FAM83G: variants seen among roughly 807,000 people sequenced by gnomAD.
FAM83G encodes protein FAM83G.
A neutral mutation model predicts 61.5 loss-of-function variants in FAM83G; 38 were observed. That is an observed-to-expected ratio of 0.62 (90% CI 0.48 to 0.81). The LOEUF (loss-of-function observed/expected upper bound fraction) is 0.81. FAM83G is among the 30% of genes least tolerant of loss of function. The pLI is 0.00. For missense variants in FAM83G, 989 were observed against 1,133.6 expected (o/e 0.87, Z 1.83); for synonymous variants, 470 against 476.1 (o/e 0.99, Z 0.17).
chr17:18,978,256 G>C lies in FAM83G; in HGVS notation c.1410C>G (p.Pro470=). The C allele has an allele frequency of 6.2e-7, 1 of 1,605,320 alleles. No individual in the cohort carries two copies. The highest frequency in any genetic ancestry group is 1.1e-5 in the South Asian group (1 of 89,914). The part of the protein sequence containing the change: ...QLWKQSQDSR[P]RPEPCPPPEP... Reference sequence around the variant, plus strand: ...CTGGGGGAGGGCAAGGCTCTGGACGGGGCCTGCTGTCCTGGCTCTGCTTCC... The same window carrying C: ...CTGGGGGAGGGCAAGGCTCTGGACGCGGCCTGCTGTCCTGGCTCTGCTTCC... The change falls in exon 5 of 6, where the codon CCC becomes CCG. Residue 470 remains proline (P), a synonymous_variant. Coordinates refer to ENST00000388995, the MANE Select transcript of FAM83G (RefSeq NM_001039999.3).
upstream of FAM83G, among the ~76,000 whole-genome samples, chr17:19,005,648 C>G (rs539842274): frequency 8.5e-5 from 11 of 129,134 alleles, no homozygotes; most frequent in African/African-American, 3.3e-4. Flanking sequence ...TGCCCTCAAA[C>G]CCCCCCCCTC....
At chr17:18,989,292 C>A (rs1167449851) in intron 2 of FAM83G, among the ~76,000 whole-genome samples, 1 of 152,138 alleles carries the variant, frequency 6.6e-6, no homozygotes, top group South Asian at 2.1e-4. Context: ...CTACAGACTA[C>A]CCTGACTTGT....
At position 18,971,302 on chromosome 17, in the gene FAM83G, G is replaced by A. The variant is rs1166657521; in HGVS notation, c.*57C>T. 1.3e-5 allele frequency: 21 copies of A among 1,608,222 alleles called. No homozygotes were observed. Among genetic ancestry groups the A allele is most frequent in the East Asian group, 4.5e-5 (2 of 44,770 alleles). On this transcript the variant is annotated 3_prime_UTR_variant, in exon 6 of 6. Coordinates refer to ENST00000388995, the MANE Select transcript of FAM83G (RefSeq NM_001039999.3). The surrounding 1 kb of genome is among the most constrained non-coding windows in gnomAD (Gnocchi z 5.5). The stretch of plus-strand genomic sequence containing the variant: ...GGCCCAGGCGGCCTGTCTGCCCTCC[G>A]CGTCATGAGTCTGGGCTGGGGCCTC...
chr17:18,973,872 AT>A (rs1460776287), intron 5 of FAM83G, among the ~76,000 whole-genome samples: 7 of 73,214 alleles, frequency 9.6e-5, no homozygotes, highest in African/African-American at 2.5e-4. Flanking sequence ...TAATTTTTGT[AT>A]TTTTTTTTAA....
rs768249715 is a variant in FAM83G at position 18,978,161 on chromosome 17, G to A, written c.1505C>T (p.Pro502Leu). The change falls in exon 5 of 6, where the codon CCC becomes CTC. Residue 502 changes from proline (P) to leucine (L), a missense_variant. Pro to Leu is a moderately conservative substitution (Grantham distance 98). Around this residue, in one of 3 missense-constraint regions of FAM83G, gnomAD observed 574 missense variants for 645.1 expected, o/e 0.89. Coordinates refer to ENST00000388995, the MANE Select transcript of FAM83G (RefSeq NM_001039999.3). ...GACTGTCCGGGGCTTGGGCACGGGGGGCAATGGCTCAGGGTCCCCCTGGGG... is the reference window on the plus strand; with the variant it reads ...GACTGTCCGGGGCTTGGGCACGGGGAGCAATGGCTCAGGGTCCCCCTGGGG... ...GLPQGDPEPL[P>L]PVPKPRTVPV... 1.3e-6 allele frequency: 2 copies of A among 1,532,264 alleles called. No homozygotes were observed. Among genetic ancestry groups the A allele is most frequent in the Admixed American group, 4.0e-5 (2 of 50,496 alleles). The allele number at this position is 1,532,264 out of a possible 1,614,324, so 94.9% of individuals were successfully genotyped here.
chr17:18,982,159 C>T (rs1260193259), intron 3 of FAM83G, among the ~76,000 whole-genome samples: 1 of 152,248 alleles, frequency 6.6e-6, no homozygotes, highest in African/African-American at 2.4e-5. Context: ...GCCGCTGACT[C>T]GCTGTGACTC....
intron 2 of FAM83G, among the ~76,000 whole-genome samples, chr17:18,997,978 G>A (rs960736210): frequency 3.9e-5 from 6 of 152,246 alleles, no homozygotes; most frequent in African/African-American, 1.4e-4. Flanking sequence ...AGGTCAGAGA[G>A]GCCAAGCAAC....
chr17:18,972,342 T>C lies in FAM83G; in HGVS notation c.2083-594A>G, dbSNP rs9916283. The stretch of plus-strand genomic sequence containing the variant: ...ACAAGGCAGCCACAGCCAGCCTCTG[T>C]GGAATGAACGATCACAGCGCTCACA... On this transcript the variant is annotated intron_variant, in intron 5 of 5. Coordinates refer to ENST00000388995, the MANE Select transcript of FAM83G (RefSeq NM_001039999.3). 5.6e-3 allele frequency among the ~76,000 whole-genome samples: 856 copies of C among 152,286 alleles called. 7 individuals are homozygous for C. The highest frequency in any genetic ancestry group is 0.019 in the African/African-American group (796 of 41,556).
At chr17:18,982,174 C>T (rs1285506649) in intron 3 of FAM83G, among the ~76,000 whole-genome samples, 1 of 152,240 alleles carries the variant, frequency 6.6e-6, no homozygotes, top group Non-Finnish European at 1.5e-5. Flanking sequence ...TGACTCGAAG[C>T]AAGTCCCGGG....
At chr17:18,980,716 C>T (rs1175893213) in intron 3 of FAM83G, among the ~76,000 whole-genome samples, 2 of 152,140 alleles carry the variant, frequency 1.3e-5, no homozygotes, top group Non-Finnish European at 2.9e-5. Flanking sequence ...CGAGGATGGC[C>T]AAGGGCATCC....
Position 18,970,901 on chromosome 17 carries a change from AC to A in FAM83G, c.*457del. ...CACTGGGAAAGATGAGGTGGAAAAAACTCAAGTTTGATGCATCAGGAAGTTT... is the reference window on the plus strand; with the variant it reads ...CACTGGGAAAGATGAGGTGGAAAAAATCAAGTTTGATGCATCAGGAAGTTT... On this transcript the variant is annotated 3_prime_UTR_variant, in exon 6 of 6. Transcript: ENST00000388995. 1.1e-5 allele frequency: 11 copies of A among 975,632 alleles called. No homozygotes were observed. The highest frequency in any genetic ancestry group is 1.6e-5 in the Non-Finnish European group (10 of 636,294). 60.4% of individuals were successfully genotyped at this position (975,632 alleles called of 1,614,324 possible).
chr17:18,974,104 G>T (rs2042923415), intron 5 of FAM83G, among the ~76,000 whole-genome samples: 1 of 152,076 alleles, frequency 6.6e-6, no homozygotes, highest in Non-Finnish European at 1.5e-5. Context: ...TGTTGGCAAG[G>T]CTGGTCTCGA....
chr17:18,974,333 C>T lies in FAM83G; in HGVS notation c.2083-2585G>A, dbSNP rs539283547. Among the ~76,000 whole-genome samples, 45 of 152,354 alleles carry T rather than the reference C, an allele frequency of 3.0e-4. No individual in the cohort carries two copies. The East Asian group carries it at 8.7e-3, about 29-fold the overall frequency. ...GACCGTTCACTATCTTCTGGCTCAT[C>T]CATGACAAGTAGGTGGCATTTTTCT... On this transcript the variant is annotated intron_variant, in intron 5 of 5. Coordinates refer to ENST00000388995, the MANE Select transcript of FAM83G (RefSeq NM_001039999.3).
Position 19,000,804 on chromosome 17 carries a change from G to A in FAM83G, c.522+2716C>T, listed in dbSNP as rs1567805581. 6.6e-6 allele frequency among the ~76,000 whole-genome samples: 1 copy of A among 152,170 alleles called. No homozygotes were observed. Among genetic ancestry groups the A allele is most frequent in the Non-Finnish European group, 1.5e-5 (1 of 68,016 alleles). Reference sequence around the variant, plus strand: ...AGCATGGGCACGAGAGGTGATTCATGGGGAGAGATAAGGCAGGGAGCGCTC... The same window carrying A: ...AGCATGGGCACGAGAGGTGATTCATAGGGAGAGATAAGGCAGGGAGCGCTC... On this transcript the variant is annotated intron_variant, in intron 2 of 5. Coordinates refer to ENST00000388995, the MANE Select transcript of FAM83G (RefSeq NM_001039999.3). This position sits in a 1 kb window ranked among gnomAD's most constrained non-coding sequence, Gnocchi z 5.2.
In FAM83G at chr17:18,971,752, GGA is replaced by G. The variant is rs760266047; in HGVS notation, c.2083-6_2083-5del. 1.4e-5 allele frequency: 21 copies of G among 1,555,518 alleles called. No homozygotes were observed. The highest frequency in any genetic ancestry group is 1.9e-5 in the Admixed American group (1 of 53,594). ...TGTGATGATGAAACTGCTGGCCCTG[GGA>G]GAGAGAGAGCAGAGAGTGAGGCTGA... On this transcript the variant is annotated splice_region_variant and splice_polypyrimidine_tract_variant and intron_variant, in intron 5 of 5. Coordinates refer to ENST00000388995, the MANE Select transcript of FAM83G (RefSeq NM_001039999.3). The surrounding 1 kb of genome is among the most constrained non-coding windows in gnomAD (Gnocchi z 5.5).
intron 2 of FAM83G, among the ~76,000 whole-genome samples, chr17:18,998,903 A>C (rs558246699): frequency 9.2e-5 from 14 of 152,178 alleles, no homozygotes; most frequent in Non-Finnish European, 2.1e-4. Context: ...TCCCCAGGCC[A>C]CAGAGCTCAC....
At chr17:18,984,522 T>C (rs1407561837) in intron 3 of FAM83G, among the ~76,000 whole-genome samples, 1 of 152,186 alleles carries the variant, frequency 6.6e-6, no homozygotes, top group Non-Finnish European at 1.5e-5. Flanking sequence ...TTCCTCACCG[T>C]GTGCCTTCCC....
intron 3 of FAM83G, among the ~76,000 whole-genome samples, chr17:18,984,147 C>G (rs1411406621): frequency 6.6e-6 from 1 of 151,962 alleles, no homozygotes; most frequent in Non-Finnish European, 1.5e-5. Context: ...TCGAGACCAT[C>G]CTGGCTAACA....
At chr17:18,975,554 C>T (rs1195453926) in intron 5 of FAM83G, among the ~76,000 whole-genome samples, 4 of 152,004 alleles carry the variant, frequency 2.6e-5, no homozygotes, top group East Asian at 3.9e-4. Context: ...ATTAGCCGGG[C>T]GTGGTGGCTC....
Sources: allele counts gnomAD v4.1 joint callset (sites outside exome capture counted in the v4.1 genomes callset), GRCh38; gene constraint gnomAD v4.1.1; regional missense constraint gnomAD v4.1.1; non-coding constraint Gnocchi (gnomAD v3.1); transcripts MANE v1.5; gene names NCBI Gene and HGNC (gene_info 2026-07-23, HGNC 2026-07-21).